Variants in KCNT1 observed in about 807,000 individuals in gnomAD.
KCNT1 encodes the protein potassium channel subfamily T member 1.
In KCNT1, 78 loss-of-function variants were observed where a neutral mutation model predicts 147.8. The observed-to-expected ratio is 0.53, with a 90% CI of 0.44 to 0.64. The LOEUF (loss-of-function observed/expected upper bound fraction) is 0.64. Among genes scored for constraint, KCNT1 ranks in the 30% least tolerant of loss-of-function variants. The pLI, the probability that KCNT1 is intolerant of heterozygous loss-of-function variation, is 0.00. For missense variants in KCNT1, 1,419 were observed against 1,750.3 expected, an observed-to-expected ratio of 0.81 and a Z score of 3.38; for synonymous variants, 867 against 748.8, an observed-to-expected ratio of 1.16 and a Z score of -2.58.
At position 135,752,512 on chromosome 9, in the gene KCNT1, C is replaced by T; in HGVS notation, c.435-1425C>T. The T allele has an allele frequency of 2.2e-6, 1 of 451,956 alleles. No individual in the cohort carries two copies. Among genetic ancestry groups the T allele is most frequent in the Non-Finnish European group, 4.4e-6 (1 of 224,956 alleles). 28.0% of individuals were successfully genotyped at this position (451,956 alleles called of 1,614,324 possible). The stretch of plus-strand genomic sequence containing the variant: ...CCTGGGGCTTCTGGTTTCACATCCC[C>T]ACAGGGCCCAAGTCTGTTGTGTTCA... On this transcript the variant is annotated intron_variant, in intron 4 of 30. Coordinates refer to ENST00000371757, the MANE Select transcript of KCNT1 (RefSeq NM_020822.3). The surrounding 1 kb of genome is among the most constrained non-coding windows in gnomAD (Gnocchi z 5.1).
chr9:135,775,721 C>T (rs1162838373), intron 20 of KCNT1, among the ~76,000 whole-genome samples: 1 of 151,954 alleles, frequency 6.6e-6, no homozygotes, highest in Non-Finnish European at 1.5e-5. Flanking sequence ...CATGCGTTCC[C>T]AAAGATCAAG....
At chr9:135,774,664 TTA>T (rs1237733302) in intron 19 of KCNT1, among the ~76,000 whole-genome samples, 1 of 150,486 alleles carries the variant, frequency 6.6e-6, no homozygotes, top group Non-Finnish European at 1.5e-5. Flanking sequence ...GGTGTGTATG[TTA>T]TGTGTCCGTG....
intron 4 of KCNT1, among the ~76,000 whole-genome samples, chr9:135,753,503 C>T (rs1831307829): frequency 6.6e-6 from 1 of 152,204 alleles, no homozygotes; most frequent in Non-Finnish European, 1.5e-5. Context: ...GTCTCTTGAA[C>T]ACTGTCCAGC....
chr9:135,779,290 C>A (rs370459824), intron 23 of KCNT1, 69 bp from the exon 24 acceptor site: 6 of 885,920 alleles, frequency 6.8e-6, no homozygotes, highest in South Asian at 1.4e-5. Flanking sequence ...GCCACATGAT[C>A]ATGGGCCCCC....
intron 2 of KCNT1, among the ~76,000 whole-genome samples, chr9:135,722,864 C>T (rs1426565281): frequency 1.3e-5 from 2 of 152,222 alleles, no homozygotes; most frequent in African/African-American, 2.4e-5. Context: ...ATCCCATCAG[C>T]GGTGGGGGCT....
At chr9:135,720,863 C>T (rs948045864) in intron 2 of KCNT1, among the ~76,000 whole-genome samples, 1 of 152,244 alleles carries the variant, frequency 6.6e-6, no homozygotes, top group African/African-American at 2.4e-5. Context: ...GCCTGCACCA[C>T]CCTGCTCCTG....
At chr9:135,706,229 T>C (rs1835249113) in intron 1 of KCNT1, among the ~76,000 whole-genome samples, 1 of 152,212 alleles carries the variant, frequency 6.6e-6, no homozygotes, top group African/African-American at 2.4e-5. Flanking sequence ...TTTACAAAGC[T>C]GTGTTGGCGT....
intron 1 of KCNT1, among the ~76,000 whole-genome samples, chr9:135,703,706 G>A (rs528927053): frequency 3.3e-5 from 5 of 152,302 alleles, no homozygotes; most frequent in East Asian, 3.9e-4. Flanking sequence ...CCAGCCTAGC[G>A]TTGCCCTCCC....
intron 2 of KCNT1, among the ~76,000 whole-genome samples, chr9:135,727,814 T>G (rs1320385824): frequency 6.6e-6 from 1 of 152,120 alleles, no homozygotes; most frequent in African/African-American, 2.4e-5. Context: ...CCAGGGCCCT[T>G]CTCAGAGCAG....
chr9:135,762,761 AAAAC>A (rs1213811175), intron 11 of KCNT1, among the ~76,000 whole-genome samples: 13 of 152,166 alleles, frequency 8.5e-5, no homozygotes, highest in African/African-American at 1.4e-4. Flanking sequence ...ACACCATCTT[AAAAC>A]AAACAAGACA....
intron 18 of KCNT1, among the ~76,000 whole-genome samples, chr9:135,771,872 C>T (rs755630954): frequency 1.3e-5 from 2 of 152,220 alleles, no homozygotes; most frequent in South Asian, 2.1e-4. Flanking sequence ...TTGCCACCTC[C>T]GTACAGTGGC....
At chr9:135,727,278 ATTCTCT>A (rs1836244940) in intron 2 of KCNT1, among the ~76,000 whole-genome samples, 1 of 31,516 alleles carries the variant, frequency 3.2e-5, no homozygotes, top group African/African-American at 1.4e-4. Context: ...TCTCTTTCCC[ATTCTCT>A]CTCTCTCCCT....
chr9:135,710,814 T>C (rs1039606791), intron 1 of KCNT1, among the ~76,000 whole-genome samples: 1 of 152,198 alleles, frequency 6.6e-6, no homozygotes, highest in Admixed American at 6.5e-5. Flanking sequence ...CGCTCTTGAT[T>C]GGCGGCGATT....
At chr9:135,744,664 G>A (rs1478491709) in intron 2 of KCNT1, among the ~76,000 whole-genome samples, 2 of 152,228 alleles carry the variant, frequency 1.3e-5, no homozygotes, top group African/African-American at 2.4e-5. Flanking sequence ...CTGTCCTCAC[G>A]GTGCCAGGGA....
At chr9:135,721,336 G>A (rs184590533) in intron 2 of KCNT1, among the ~76,000 whole-genome samples, 50 of 152,336 alleles carry the variant, frequency 3.3e-4, no homozygotes, top group African/African-American at 9.9e-4. Flanking sequence ...CATTCTGCCC[G>A]GGGCCATCCT....
rs939547002 is a variant in KCNT1 at position 135,752,082 on chromosome 9, G to C, written c.434+1041G>C. On this transcript the variant is annotated intron_variant, in intron 4 of 30. Transcript: ENST00000371757. This position sits in a 1 kb window ranked among gnomAD's most constrained non-coding sequence, Gnocchi z 5.1. The stretch of plus-strand genomic sequence containing the variant: ...CTCAAATGTCTGGTGCCGTTTATGC[G>C]TAAGAGTGCTCAGGCGCTGAGGGGC... 1 of 259,782 alleles carries C rather than the reference G, an allele frequency of 3.8e-6. No individual in the cohort carries two copies. The allele number at this position is 259,782 out of a possible 1,614,324, so 16.1% of individuals were successfully genotyped here.
At chr9:135,722,537 T>G (rs896744700) in intron 2 of KCNT1, among the ~76,000 whole-genome samples, 6 of 152,176 alleles carry the variant, frequency 3.9e-5, no homozygotes, top group Non-Finnish European at 7.4e-5. Context: ...TGAAATGGAA[T>G]GGGTGTAAGT....
chr9:135,780,988 G>C (rs547568880), intron 24 of KCNT1, among the ~76,000 whole-genome samples: 117 of 152,338 alleles, frequency 7.7e-4, no homozygotes, highest in South Asian at 5.6e-3. Context: ...GGGTCAGCAA[G>C]CACGCAGCCA....
At chr9:135,788,297 G>A (rs761479885) in intron 29 of KCNT1, 17 of 781,578 alleles carry the variant, frequency 2.2e-5, no homozygotes, top group Non-Finnish European at 3.5e-5. Flanking sequence ...TGTCAGCCCA[G>A]GCGGCCCTGT....
Sources: gnomAD v4.1 joint callset for allele counts (sites outside exome capture counted in the v4.1 genomes callset) on GRCh38, gnomAD v4.1.1 for gene constraint, Gnocchi (gnomAD v3.1) non-coding constraint, MANE v1.5 for transcripts, NCBI Gene and HGNC (gene_info 2026-07-23, HGNC 2026-07-21) for gene names.